TMEM117: variants seen among roughly 807,000 people sequenced by gnomAD.
TMEM117 encodes the protein transmembrane protein 117.
Under a neutral mutation model 52.4 loss-of-function variants are expected in TMEM117, and 27 were observed. The ratio of observed to expected loss-of-function variants is 0.51; its 90% CI spans 0.38 to 0.71. The LOEUF (loss-of-function observed/expected upper bound fraction) is 0.71, where lower values mean the gene tolerates loss of function less well. Ranked by LOEUF, TMEM117 falls within the 30% of genes least tolerant of loss-of-function variation. The pLI is 0.00. For missense variants in TMEM117, 556 were observed against 630.5 expected (o/e 0.88, Z 1.26); for synonymous variants, 215 against 206.3 (o/e 1.04, Z -0.36).
chr12:44,060,769 G>C (rs1292241771), intron 3 of TMEM117, among the ~76,000 whole-genome samples: 1 of 152,118 alleles, frequency 6.6e-6, no homozygotes, highest in African/African-American at 2.4e-5. Context: ...TGAGTTTTCT[G>C]AGAGAGAGAC....
intron 5 of TMEM117, among the ~76,000 whole-genome samples, chr12:44,255,562 C>T (rs938131159): frequency 2.0e-5 from 3 of 152,028 alleles, no homozygotes; most frequent in African/African-American, 7.2e-5. Context: ...TGTAAGATAG[C>T]ATGTTTGAAT....
intron 4 of TMEM117, among the ~76,000 whole-genome samples, chr12:44,208,723 A>AT (rs1200976893): frequency 8.1e-5 from 9 of 110,580 alleles, no homozygotes; most frequent in African/African-American, 3.2e-4. Flanking sequence ...ATCAGAAAGA[A>AT]TGTTTTTTTT....
At chr12:44,058,977 A>T (rs578040364) in intron 3 of TMEM117, among the ~76,000 whole-genome samples, 3 of 152,164 alleles carry the variant, frequency 2.0e-5, no homozygotes, top group African/African-American at 7.2e-5. Context: ...GGAGGTGGGC[A>T]TATGGTTTAG....
At chr12:43,910,000 C>T (rs1220728344) in intron 2 of TMEM117, among the ~76,000 whole-genome samples, 6 of 130,954 alleles carry the variant, frequency 4.6e-5, no homozygotes, top group Non-Finnish European at 1.0e-4. Context: ...TTTATGAGGC[C>T]AGCATCATCC....
intron 3 of TMEM117, among the ~76,000 whole-genome samples, chr12:44,105,679 T>G (rs548175075): frequency 1.5e-4 from 23 of 152,124 alleles, no homozygotes; most frequent in African/African-American, 5.3e-4. Flanking sequence ...TTAGTCTCCT[T>G]CACCAACCTC....
intron 5 of TMEM117, among the ~76,000 whole-genome samples, chr12:44,271,497 A>G (rs1950445219): frequency 6.6e-6 from 1 of 152,154 alleles, no homozygotes; most frequent in African/African-American, 2.4e-5. Context: ...AAAATACAAT[A>G]GGGAAACAAG....
chr12:43,839,262 C>CT (rs1409776194), intron 1 of TMEM117, among the ~76,000 whole-genome samples: 12 of 152,252 alleles, frequency 7.9e-5, no homozygotes, highest in African/African-American at 2.9e-4. Context: ...ACAGGCCTTT[C>CT]TGTCATATAA....
rs147907988 is a variant in TMEM117, at chr12:44,270,048, C to T, written c.609-29532C>T. Among the ~76,000 whole-genome samples, 5 of 152,146 alleles carry T rather than the reference C, an allele frequency of 3.3e-5. No individual in the cohort carries two copies. In the East Asian group the frequency reaches 9.6e-4, roughly 29 times the overall value. On this transcript the variant is annotated intron_variant, in intron 5 of 7. Coordinates refer to ENST00000266534, the MANE Select transcript of TMEM117 (RefSeq NM_032256.3). ...TGTTGTCATTTAAGTGCAATAATAA[C>T]AAATATATTTTTCAGTGTTATTTCA...
chr12:43,805,308 C>T, the TMEM117 span, among the ~76,000 whole-genome samples: 1 of 151,638 alleles, frequency 6.6e-6, no homozygotes, highest in African/African-American at 2.4e-5. Flanking sequence ...ATAAATAAAA[C>T]AAAGTTTTCA....
chr12:44,028,154 C>T (rs188397433), intron 3 of TMEM117, among the ~76,000 whole-genome samples: 1 of 152,148 alleles, frequency 6.6e-6, no homozygotes, highest in Non-Finnish European at 1.5e-5. Flanking sequence ...GATCGCACCA[C>T]TGCACTCCAG....
chr12:43,936,891 A>C (rs989895232), intron 2 of TMEM117, among the ~76,000 whole-genome samples: 4 of 152,184 alleles, frequency 2.6e-5, no homozygotes, highest in African/African-American at 9.6e-5. Context: ...TAGATGAGAA[A>C]ACAAGGAGAA....
intron 3 of TMEM117, among the ~76,000 whole-genome samples, chr12:44,107,505 C>T (rs1947977922): frequency 6.6e-6 from 1 of 152,062 alleles, no homozygotes; most frequent in Admixed American, 6.6e-5. Context: ...ATTGAAGACT[C>T]ATTCACTGTG....
chr12:43,979,583 A>G (rs1179696273), intron 3 of TMEM117, among the ~76,000 whole-genome samples: 1 of 152,294 alleles, frequency 6.6e-6, no homozygotes, highest in Non-Finnish European at 1.5e-5. Context: ...TTTTAAGTCA[A>G]CAATAACTAT....
chr12:44,130,512 T>C lies in TMEM117; in HGVS notation c.411-13013T>C, dbSNP rs181953495. 1.3e-3 allele frequency among the ~76,000 whole-genome samples: 193 copies of C among 152,310 alleles called. 1 individual carries two copies. The highest frequency in any genetic ancestry group is 4.2e-3 in the African/African-American group (173 of 41,578). ...TGAGTTTTATATATTTGTAATTATA[T>C]AATGTTTTTGGTGAGGGGGTTTTGA... On this transcript the variant is annotated intron_variant, in intron 3 of 7. Coordinates refer to ENST00000266534, the MANE Select transcript of TMEM117 (RefSeq NM_032256.3).
At chr12:43,906,843 C>G (rs988383579) in intron 2 of TMEM117, among the ~76,000 whole-genome samples, 48 of 152,310 alleles carry the variant, frequency 3.2e-4, no homozygotes, top group East Asian at 9.7e-4. Context: ...TCGGAGGGTC[C>G]TACCCCCACG....
In TMEM117 at chr12:43,960,444, T is replaced by C. The variant is rs1945383243; in HGVS notation, c.410+16102T>C. 3.9e-5 allele frequency among the ~76,000 whole-genome samples: 6 copies of C among 152,176 alleles called. No homozygotes were observed. In the South Asian group the frequency reaches 1.2e-3, roughly 32 times the overall value. On this transcript the variant is annotated intron_variant, in intron 3 of 7. Coordinates refer to ENST00000266534, the MANE Select transcript of TMEM117 (RefSeq NM_032256.3). ...ATACTATTGGTTTTGCATTACTTGG[T>C]TTTAATAGTACAAAGGTAAAATAGC...
Position 44,213,644 on chromosome 12 carries a change from C to T in TMEM117, c.608+2257C>T, listed in dbSNP as rs138783623. ...GTGGGAGGTAATTGAATCATGGGGGCGGTCACCCCCTTGCTGTTCACGTGA... is the reference window on the plus strand; with the variant it reads ...GTGGGAGGTAATTGAATCATGGGGGTGGTCACCCCCTTGCTGTTCACGTGA... On this transcript the variant is annotated intron_variant, in intron 5 of 7. Coordinates refer to ENST00000266534, the MANE Select transcript of TMEM117 (RefSeq NM_032256.3). Among the ~76,000 whole-genome samples, 248 of 152,216 alleles carry T rather than the reference C, an allele frequency of 1.6e-3. 2 individuals carry two copies. In the East Asian group the frequency reaches 0.037, roughly 22 times the overall value.
rs892737443 is a variant in TMEM117, at chr12:44,365,640, A to G, written c.769-10955A>G. ...CATATATATTTGCGTGTGGTTTACAATAGACTAAATATATCAAATGCCTGG... is the reference window on the plus strand; with the variant it reads ...CATATATATTTGCGTGTGGTTTACAGTAGACTAAATATATCAAATGCCTGG... On this transcript the variant is annotated intron_variant, in intron 6 of 7. Coordinates refer to ENST00000266534, the MANE Select transcript of TMEM117 (RefSeq NM_032256.3). Among the ~76,000 whole-genome samples the G allele has an allele frequency of 4.6e-5, 7 of 152,086 alleles. No homozygotes were observed. The East Asian group carries it at 7.7e-4, about 17-fold the overall frequency.
intron 3 of TMEM117, among the ~76,000 whole-genome samples, chr12:43,993,384 A>T (rs1296057214): frequency 6.6e-6 from 1 of 152,186 alleles, no homozygotes; most frequent in East Asian, 1.9e-4. Context: ...TACACTTATC[A>T]TTATCACTTG....
Sources: allele counts gnomAD v4.1 joint callset (sites outside exome capture counted in the v4.1 genomes callset), GRCh38; gene constraint gnomAD v4.1.1; transcripts MANE v1.5; gene names NCBI Gene and HGNC (gene_info 2026-07-23, HGNC 2026-07-21).